Variants in KATNAL1 observed in about 807,000 individuals in gnomAD.
KATNAL1 encodes the protein katanin catalytic subunit A1 like 1, also known as katanin p60 ATPase-containing subunit A-like 1.
Under a neutral mutation model 55.2 loss-of-function variants are expected in KATNAL1, and 32 were observed. The observed-to-expected ratio is 0.58, with a 90% CI of 0.44 to 0.78. The LOEUF (loss-of-function observed/expected upper bound fraction) is 0.78. Among genes scored for constraint, KATNAL1 ranks in the 30% least tolerant of loss-of-function variants. KATNAL1 has a pLI of 0.00. For synonymous variants in KATNAL1, 193 were observed against 193.6 expected (o/e 1.00, Z 0.02); for missense variants, 466 against 600.9 (o/e 0.78, Z 2.35).
chr13:30,218,802 G>C (rs1566087308), intron 9 of KATNAL1, among the ~76,000 whole-genome samples: 1 of 152,100 alleles, frequency 6.6e-6, no homozygotes, highest in Non-Finnish European at 1.5e-5. Context: ...CATTCCACAG[G>C]ATCCCAGGCC....
intron 6 of KATNAL1, among the ~76,000 whole-genome samples, chr13:30,233,776 A>C (rs1352609283): frequency 2.0e-5 from 3 of 152,224 alleles, no homozygotes; most frequent in African/African-American, 7.2e-5. Flanking sequence ...AAAAGAATAA[A>C]ATCGTGTCAT....
intron 9 of KATNAL1, among the ~76,000 whole-genome samples, chr13:30,223,150 T>C (rs1157258539): frequency 6.6e-6 from 1 of 151,118 alleles, no homozygotes; most frequent in African/African-American, 2.4e-5. Context: ...CTCAACTATA[T>C]GCTGTCTATA....
At chr13:30,277,047 A>C (rs1488153757) in intron 3 of KATNAL1, among the ~76,000 whole-genome samples, 1 of 152,214 alleles carries the variant, frequency 6.6e-6, no homozygotes, top group East Asian at 1.9e-4. Flanking sequence ...ATTATTAGCT[A>C]TCATCCTTTC....
At position 30,231,471 on chromosome 13, in the gene KATNAL1, C is replaced by G. The variant is rs755938136; in HGVS notation, c.728G>C (p.Gly243Ala). 3 of 1,498,030 alleles carry G rather than the reference C, an allele frequency of 2.0e-6. No homozygotes were observed. Among genetic ancestry groups the G allele is most frequent in the Admixed American group, 4.7e-5 (2 of 42,796 alleles). 92.8% of individuals were successfully genotyped at this position (1,498,030 alleles called of 1,614,324 possible). The change falls in exon 7 of 11, where the codon GGT becomes GCT. Residue 243 changes from glycine (G) to alanine (A), a missense_variant and splice_region_variant. Around this residue, in one of 3 missense-constraint regions of KATNAL1, gnomAD observed 213 missense variants for 308.6 expected, o/e 0.69. Transcript: ENST00000380615. The stretch of plus-strand genomic sequence containing the variant: ...GCCTGGGGGTCCAACCATCAGTACA[C>G]CCTGAAATTTCAAAAGACAAATTAA... ...FFKGIRRPWKGVLMVGPPGTG... is the reference protein window; with the variant it reads ...FFKGIRRPWKAVLMVGPPGTG...
chr13:30,256,315 C>T (rs1878782630), intron 3 of KATNAL1, among the ~76,000 whole-genome samples: 1 of 152,178 alleles, frequency 6.6e-6, no homozygotes, highest in South Asian at 2.1e-4. Flanking sequence ...TACTGTGGAA[C>T]TTGTCTCCTG....
chr13:30,282,161 T>C (rs1478453682), intron 2 of KATNAL1, among the ~76,000 whole-genome samples: 1 of 139,798 alleles, frequency 7.2e-6, no homozygotes, highest in Non-Finnish European at 1.5e-5. Flanking sequence ...GTAGGCAAAT[T>C]AAAATTCAAG....
In KATNAL1 at chr13:30,205,993, A is replaced by T. The variant is rs1873111602; in HGVS notation, c.*2547T>A. 1 of 147,468 alleles carries T rather than the reference A, an allele frequency of 6.8e-6. No homozygotes were observed. Among genetic ancestry groups the T allele is most frequent in the South Asian group, 2.2e-4 (1 of 4,560 alleles). The allele number at this position is 147,468 out of a possible 1,614,324, so 9.1% of individuals were successfully genotyped here. A position where few individuals can be genotyped will look rare whatever the true frequency, so the allele number is the denominator to read the frequency against. ...GTGTGTGTGTGTGTGTTGTATATTA[A>T]AAGTTAGGGCCAGGTGCGGTGGATC... On this transcript the variant is annotated 3_prime_UTR_variant, in exon 11 of 11. Transcript: ENST00000380615.
intron 1 of KATNAL1, among the ~76,000 whole-genome samples, chr13:30,289,855 T>C (rs1287496433): frequency 1.3e-5 from 2 of 152,200 alleles, no homozygotes; most frequent in Non-Finnish European, 2.9e-5. Flanking sequence ...ATGGTTTCTG[T>C]CACAACCCCT....
intron 3 of KATNAL1, among the ~76,000 whole-genome samples, chr13:30,274,907 G>GCACGCA (rs1187805458): frequency 3.8e-4 from 40 of 105,434 alleles, no homozygotes; most frequent in African/African-American, 1.3e-3. Flanking sequence ...GCGCGCGCGC[G>GCACGCA]CACACACACA....
chr13:30,251,590 G>A (rs1041512368), intron 4 of KATNAL1, among the ~76,000 whole-genome samples: 1 of 152,176 alleles, frequency 6.6e-6, no homozygotes, highest in Admixed American at 6.5e-5. Context: ...CTAGTGGCTT[G>A]ATTTTAGACT....
At chr13:30,267,607 GA>G (rs1280216615) in intron 3 of KATNAL1, among the ~76,000 whole-genome samples, 1 of 152,120 alleles carries the variant, frequency 6.6e-6, no homozygotes, top group African/African-American at 2.4e-5. Context: ...AGCCCCTCAA[GA>G]ACTGATAATA....
At chr13:30,271,680 G>C (rs1294127614) in intron 3 of KATNAL1, among the ~76,000 whole-genome samples, 1 of 152,042 alleles carries the variant, frequency 6.6e-6, no homozygotes, top group African/African-American at 2.4e-5. Context: ...GATGTAGGCA[G>C]GGACATAGAT....
In KATNAL1 at chr13:30,205,534, A is replaced by G. The variant is rs1194125162; in HGVS notation, c.*3006T>C. 1 of 152,288 alleles carries G rather than the reference A, an allele frequency of 6.6e-6. No homozygotes were observed. Among genetic ancestry groups the G allele is most frequent in the Non-Finnish European group, 1.5e-5 (1 of 68,070 alleles). 9.4% of individuals were successfully genotyped at this position (152,288 alleles called of 1,614,324 possible). On this transcript the variant is annotated 3_prime_UTR_variant, in exon 11 of 11. Transcript: ENST00000380615. The stretch of plus-strand genomic sequence containing the variant: ...GCATCTGCTACCGCAACACTGAATA[A>G]CAAAACAAAACGAAGCAAAACAATT...
rs79310150 is a variant in KATNAL1 at position 30,234,190 on chromosome 13, T to C, written c.727-2718A>G. On this transcript the variant is annotated intron_variant, in intron 6 of 10. Coordinates refer to ENST00000380615, the MANE Select transcript of KATNAL1 (RefSeq NM_032116.5). ...CAAAAGTATGTACATCTGTTATGTATCAATTCAAAAACACAAAAAATGTTT... is the reference window on the plus strand; with the variant it reads ...CAAAAGTATGTACATCTGTTATGTACCAATTCAAAAACACAAAAAATGTTT... Among the ~76,000 whole-genome samples the C allele has an allele frequency of 3.0e-4, 45 of 152,282 alleles. No homozygotes were observed. The East Asian group carries it at 7.9e-3, about 27-fold the overall frequency.
chr13:30,261,247 C>G (rs1879262046), intron 3 of KATNAL1, among the ~76,000 whole-genome samples: 1 of 151,956 alleles, frequency 6.6e-6, no homozygotes, highest in South Asian at 2.1e-4. Flanking sequence ...ACAACCGATA[C>G]CAGCCGCTGC....
chr13:30,245,283 A>T (rs1326202263), intron 4 of KATNAL1, among the ~76,000 whole-genome samples: 1 of 152,234 alleles, frequency 6.6e-6, no homozygotes, highest in Non-Finnish European at 1.5e-5. Flanking sequence ...CATCACATAA[A>T]CAGAATCAAT....
At chr13:30,271,838 A>G (rs535645463) in intron 3 of KATNAL1, among the ~76,000 whole-genome samples, 3 of 148,216 alleles carry the variant, frequency 2.0e-5, no homozygotes, top group Admixed American at 6.8e-5. Context: ...CAACAAGTGG[A>G]AGAGATAAAA....
rs371931906 is a variant in KATNAL1 at position 30,231,386 on chromosome 13, G to A, written c.813C>T (p.Asn271=). 3.7e-5 allele frequency: 60 copies of A among 1,609,384 alleles called. 1 individual carries two copies. The Middle Eastern group carries it at 4.9e-4, about 13-fold the overall frequency. The part of the protein sequence containing the change: ...VATECGTTFF[N]VSSSTLTSKY... ...TAGATGTCAGTGTAGAAGACGAAACGTTGAAGAATGTTGTACCACATTCAG... is the reference window on the plus strand; with the variant it reads ...TAGATGTCAGTGTAGAAGACGAAACATTGAAGAATGTTGTACCACATTCAG... The change falls in exon 7 of 11, where the codon AAC becomes AAT. Residue 271 remains asparagine, a synonymous_variant. Transcript: ENST00000380615.
intron 9 of KATNAL1, among the ~76,000 whole-genome samples, chr13:30,222,552 G>A (rs1434892513): frequency 6.6e-6 from 1 of 152,170 alleles, no homozygotes; most frequent in Non-Finnish European, 1.5e-5. Flanking sequence ...TCATCCAAGG[G>A]TAGCTCTCAC....
Sources: gnomAD v4.1 joint callset for allele counts (sites outside exome capture counted in the v4.1 genomes callset) on GRCh38, gnomAD v4.1.1 for gene constraint, gnomAD v4.1.1 regional missense constraint, MANE v1.5 for transcripts, NCBI Gene and HGNC (gene_info 2026-07-23, HGNC 2026-07-21) for gene names.